Variants in IL1RAPL2 observed in about 807,000 individuals in gnomAD.
IL1RAPL2 encodes interleukin 1 receptor accessory protein like 2, also known as X-linked interleukin-1 receptor accessory protein-like 2.
A neutral mutation model predicts 44.1 loss-of-function variants in IL1RAPL2; 3 were observed. The ratio of observed to expected loss-of-function variants is 0.07; its 90% CI spans 0.03 to 0.18. The LOEUF (loss-of-function observed/expected upper bound fraction) is 0.18, where lower values mean the gene tolerates loss of function less well. Ranked by LOEUF, IL1RAPL2 falls within the 10% of genes least tolerant of loss-of-function variation. IL1RAPL2 has a pLI of 1.00. For synonymous variants in IL1RAPL2, 181 were observed against 178.8 expected (o/e 1.01, Z -0.10); for missense variants, 391 against 496.4 (o/e 0.79, Z 2.02).
intron 5 of IL1RAPL2, among the ~76,000 whole-genome samples, chrX:105,343,027 C>G (rs1163218225): frequency 1.9e-5 from 2 of 106,776 alleles, no homozygotes. Context: ...GGCAATAGAT[C>G]TAACATAGCT....
chrX:105,168,414 G>GGTGTGTGT (rs57882187), intron 2 of IL1RAPL2, among the ~76,000 whole-genome samples: 1,297 of 89,328 alleles, frequency 0.015, 37 homozygotes, highest in African/African-American at 0.057. Flanking sequence ...AACCATAGGA[G>GGTGTGTGT]GTGTGTGTGT....
intron 2 of IL1RAPL2, among the ~76,000 whole-genome samples, chrX:105,122,758 G>T (rs989734254): frequency 8.9e-6 from 1 of 111,837 alleles, no homozygotes; most frequent in African/African-American, 3.2e-5. Flanking sequence ...CATTTGCTGA[G>T]CATCTAATAT....
At chrX:104,675,742 T>C (rs915915386) in intron 2 of IL1RAPL2, among the ~76,000 whole-genome samples, 3 of 110,376 alleles carry the variant, frequency 2.7e-5, no homozygotes, top group African/African-American at 9.9e-5. Flanking sequence ...CTAAGTCTCT[T>C]TGTAGGTCAC....
At chrX:104,879,875 T>G (rs1923016899) in intron 2 of IL1RAPL2, among the ~76,000 whole-genome samples, 1 of 111,149 alleles carries the variant, frequency 9.0e-6, no homozygotes, top group African/African-American at 3.3e-5. Flanking sequence ...TGAGAAGTAC[T>G]CTAAATTACA....
intron 2 of IL1RAPL2, among the ~76,000 whole-genome samples, chrX:105,177,651 A>G: frequency 1.8e-5 from 2 of 110,960 alleles, no homozygotes; most frequent in Non-Finnish European, 3.8e-5. Flanking sequence ...AGAATGTACA[A>G]ATTTGTGTGA....
chrX:104,782,204 C>G (rs1018959617), intron 2 of IL1RAPL2, among the ~76,000 whole-genome samples: 3 of 111,424 alleles, frequency 2.7e-5, no homozygotes, highest in African/African-American at 9.8e-5. Flanking sequence ...GCTTCTATTA[C>G]TAAAAGGAAG....
chrX:105,045,331 A>G (rs2031822678), intron 2 of IL1RAPL2, among the ~76,000 whole-genome samples: 1 of 111,777 alleles, frequency 8.9e-6, no homozygotes, highest in African/African-American at 3.2e-5. Context: ...TTCTCTTCTT[A>G]TAATAGGAAG....
At chrX:105,591,227 T>A (rs1426298459) in intron 6 of IL1RAPL2, among the ~76,000 whole-genome samples, 1 of 106,943 alleles carries the variant, frequency 9.4e-6, no homozygotes, top group Admixed American at 1.0e-4. Context: ...TCTCCAAGGT[T>A]TTTTTTTTTT....
intron 2 of IL1RAPL2, among the ~76,000 whole-genome samples, chrX:104,951,095 A>G (rs1017340401): frequency 8.9e-6 from 1 of 111,872 alleles, no homozygotes; most frequent in Non-Finnish European, 1.9e-5. Context: ...CCCTAGTGAG[A>G]TGAACCCGGG....
chrX:104,675,340 C>T (rs1198996377), intron 2 of IL1RAPL2, among the ~76,000 whole-genome samples: 1 of 111,532 alleles, frequency 9.0e-6, no homozygotes, highest in Non-Finnish European at 1.9e-5. Context: ...TTATTTCTGC[C>T]TTCATTTCGT....
Position 104,866,047 on chromosome X carries a change from A to G in IL1RAPL2, c.82+207052A>G, listed in dbSNP as rs1036280723. Among the ~76,000 whole-genome samples, 30 of 112,604 alleles carry G rather than the reference A, an allele frequency of 2.7e-4. 1 individual carries two copies. Among genetic ancestry groups the G allele is most frequent in the Admixed American group, 1.7e-3 (18 of 10,641 alleles). ...GCTTTCCTTCTATAGTGACCACACA[A>G]TCTGTCTGTTATTTATAATGGTACC... is the stretch of plus-strand genomic sequence containing the variant. On this transcript the variant is annotated intron_variant, in intron 2 of 10. Transcript: ENST00000372582.
intron 2 of IL1RAPL2, among the ~76,000 whole-genome samples, chrX:105,027,350 C>T (rs780685366): frequency 1.3e-4 from 15 of 111,391 alleles, no homozygotes; most frequent in Admixed American, 8.6e-4. Flanking sequence ...AAAGCTTCTG[C>T]ACACTAAAGG....
chrX:105,740,690 G>C lies in IL1RAPL2; in HGVS notation c.1047G>C (p.Lys349Asn). ...RKHASVLLRK[K>N]DLIYKIELAG... ...ATGCCAGTGTTTTGCTGCGTAAAAA[G>C]GGTATTTATTTTTATAACTATAACT... Residue 349 changes from lysine (K) to asparagine (N), a missense_variant and splice_region_variant, in exon 8 of 11, where the codon AAG becomes AAC. This residue lies in a region of IL1RAPL2 where 232 missense variants were observed against 244.8 expected (regional missense o/e 0.95). Transcript: ENST00000372582. 8.3e-7 allele frequency: 1 copy of C among 1,201,232 alleles called. No individual in the cohort carries two copies. Among genetic ancestry groups the C allele is most frequent in the East Asian group, 3.0e-5 (1 of 33,597 alleles).
intron 2 of IL1RAPL2, among the ~76,000 whole-genome samples, chrX:104,849,650 G>A (rs1035779198): frequency 1.1e-4 from 12 of 109,527 alleles, no homozygotes; most frequent in South Asian, 7.7e-4. Context: ...TGGATTTATA[G>A]TTTTATTACC....
chrX:104,844,869 C>G (rs1922010758), intron 2 of IL1RAPL2, among the ~76,000 whole-genome samples: 1 of 112,100 alleles, frequency 8.9e-6, no homozygotes, highest in Non-Finnish European at 1.9e-5. Flanking sequence ...GTCCTGATTC[C>G]TCTTCTGCCA....
At chrX:105,206,521 A>G (rs1256278167) in intron 3 of IL1RAPL2, among the ~76,000 whole-genome samples, 4 of 112,088 alleles carry the variant, frequency 3.6e-5, no homozygotes, top group African/African-American at 1.3e-4. Context: ...CTGTATTTGT[A>G]TATTACAACA....
At position 104,984,089 on chromosome X, in the gene IL1RAPL2, AT is replaced by A. The variant is rs748615837; in HGVS notation, c.83-211383del. Among the ~76,000 whole-genome samples, 43 of 111,208 alleles carry A rather than the reference AT, an allele frequency of 3.9e-4. No homozygotes were observed. The South Asian group carries it at 0.016, about 41-fold the overall frequency. ...TTGAAGCAGTTGTAATGTTTATTTT[AT>A]TTCAACTTTGGGTAAATTTAAGGAA... is the stretch of plus-strand genomic sequence containing the variant. On this transcript the variant is annotated intron_variant, in intron 2 of 10. Transcript: ENST00000372582.
At chrX:104,735,853 T>TCAAG (rs1932004280) in intron 2 of IL1RAPL2, among the ~76,000 whole-genome samples, 2 of 111,547 alleles carry the variant, frequency 1.8e-5, no homozygotes, top group African/African-American at 6.5e-5. Flanking sequence ...TATCATTGTG[T>TCAAG]CAAGATCTCA....
At chrX:104,861,011 C>T (rs1922477280) in intron 2 of IL1RAPL2, among the ~76,000 whole-genome samples, 1 of 110,889 alleles carries the variant, frequency 9.0e-6, no homozygotes, top group South Asian at 3.8e-4. Flanking sequence ...AACTTGACTT[C>T]TGCCTAGTAT....
Sources: allele counts gnomAD v4.1 joint callset (sites outside exome capture counted in the v4.1 genomes callset), GRCh38; gene constraint gnomAD v4.1.1; regional missense constraint gnomAD v4.1.1; transcripts MANE v1.5; gene names NCBI Gene and HGNC (gene_info 2026-07-23, HGNC 2026-07-21).